Variants in LHFPL6 observed in about 807,000 individuals in gnomAD.
LHFPL6 encodes LHFPL tetraspan subfamily member 6, also known as LHFPL tetraspan subfamily member 6 protein.
In LHFPL6, 9 loss-of-function variants were observed where a neutral mutation model predicts 20.6. That is an observed-to-expected ratio of 0.44 (90% CI 0.26 to 0.76). The LOEUF is 0.76. Ranked by LOEUF, LHFPL6 falls within the 30% of genes least tolerant of loss-of-function variation. The probability of loss-of-function intolerance (pLI) is 0.20; values close to 1 mark genes in which losing one functional copy is unlikely to be tolerated. For synonymous variants in LHFPL6, 105 were observed against 98.7 expected (o/e 1.06, Z -0.38); for missense variants, 218 against 253.5 (o/e 0.86, Z 0.95).
intron 2 of LHFPL6, among the ~76,000 whole-genome samples, chr13:39,495,345 C>T (rs558046146): frequency 1.6e-4 from 24 of 152,272 alleles, no homozygotes; most frequent in Admixed American, 1.2e-3. Flanking sequence ...CGGTTGATTT[C>T]ATTTAATAGG....
intron 2 of LHFPL6, among the ~76,000 whole-genome samples, chr13:39,550,453 T>A (rs1421574804): frequency 3.9e-5 from 6 of 152,162 alleles, no homozygotes; most frequent in South Asian, 2.1e-4. Context: ...ACATTTTCCA[T>A]CAGAAAAACT....
chr13:39,458,931 T>A (rs4281594), intron 2 of LHFPL6, among the ~76,000 whole-genome samples: 1 of 152,166 alleles, frequency 6.6e-6, no homozygotes, highest in Non-Finnish European at 1.5e-5. Flanking sequence ...CAACACACTT[T>A]TTTTCCTTCT....
chr13:39,506,590 T>C (rs1869492010), intron 2 of LHFPL6, among the ~76,000 whole-genome samples: 1 of 152,060 alleles, frequency 6.6e-6, no homozygotes. Context: ...CCTAAATTAA[T>C]AAGGGCCACC....
intron 2 of LHFPL6, among the ~76,000 whole-genome samples, chr13:39,434,348 C>A (rs935242239): frequency 2.6e-5 from 4 of 152,150 alleles, no homozygotes; most frequent in African/African-American, 9.7e-5. Flanking sequence ...AGCTAATAAG[C>A]ATGCAAAGAA....
intron 2 of LHFPL6, 54 bp from the exon 3 acceptor site, chr13:39,378,580 T>C (rs1870356800): frequency 7.4e-7 from 1 of 1,348,890 alleles, no homozygotes; most frequent in Middle Eastern, 1.8e-4. Context: ...CATCACTAGA[T>C]AAAGGTGGTG....
At chr13:39,598,435 G>A (rs1872833092) in intron 2 of LHFPL6, among the ~76,000 whole-genome samples, 1 of 152,060 alleles carries the variant, frequency 6.6e-6, no homozygotes, top group South Asian at 2.1e-4. Flanking sequence ...CCCTCGAGAG[G>A]TGAGATTCTG....
At chr13:39,488,655 T>C (rs1868806812) in intron 2 of LHFPL6, among the ~76,000 whole-genome samples, 1 of 152,204 alleles carries the variant, frequency 6.6e-6, no homozygotes, top group Non-Finnish European at 1.5e-5. Context: ...ATGTAATGCA[T>C]AATTATTAAT....
At position 39,416,853 on chromosome 13, in the gene LHFPL6, A is replaced by G. The variant is rs1871361793; in HGVS notation, c.386-38327T>C. On this transcript the variant is annotated intron_variant, in intron 2 of 3. Transcript: ENST00000379589. ...AAACCTGAGTTCTGCTAGTCCCAGC[A>G]CCTATTTTTATCTTCTTGTCTACCA... Among the ~76,000 whole-genome samples, 4 of 150,782 alleles carry G rather than the reference A, an allele frequency of 2.7e-5. No individual in the cohort carries two copies. The Middle Eastern group carries it at 0.011, about 398-fold the overall frequency.
chr13:39,491,532 C>T (rs540867792), intron 2 of LHFPL6, among the ~76,000 whole-genome samples: 18 of 152,236 alleles, frequency 1.2e-4, no homozygotes, highest in East Asian at 7.7e-4. Context: ...CATAAATTCA[C>T]GATGGTTCTT....
chr13:39,591,711 C>T (rs1485804592), intron 2 of LHFPL6, among the ~76,000 whole-genome samples: 1 of 152,176 alleles, frequency 6.6e-6, no homozygotes, highest in Non-Finnish European at 1.5e-5. Flanking sequence ...CCACCCAGAC[C>T]TTCCCAGCAG....
chr13:39,424,161 T>A (rs558901137), intron 2 of LHFPL6, among the ~76,000 whole-genome samples: 20 of 152,334 alleles, frequency 1.3e-4, no homozygotes, highest in African/African-American at 4.8e-4. Context: ...AAGTAGCTCA[T>A]GCATTAAAAT....
chr13:39,396,600 G>T (rs188879290), intron 2 of LHFPL6, among the ~76,000 whole-genome samples: 1 of 151,900 alleles, frequency 6.6e-6, no homozygotes, highest in Non-Finnish European at 1.5e-5. Flanking sequence ...GTTCAAGACC[G>T]GCCCGGGCAA....
At chr13:39,484,529 C>G (rs147924625) in intron 2 of LHFPL6, among the ~76,000 whole-genome samples, 380 of 152,306 alleles carry the variant, frequency 2.5e-3, no homozygotes, top group African/African-American at 8.9e-3. Flanking sequence ...CCTTCCCTCT[C>G]TCTTTCCTTT....
At chr13:39,569,403 A>G (rs1432472309) in intron 2 of LHFPL6, among the ~76,000 whole-genome samples, 1 of 152,172 alleles carries the variant, frequency 6.6e-6, no homozygotes, top group African/African-American at 2.4e-5. Context: ...GGAACCCATC[A>G]ATCTATTGGT....
chr13:39,402,713 G>C (rs1163243344), intron 2 of LHFPL6, among the ~76,000 whole-genome samples: 1 of 152,182 alleles, frequency 6.6e-6, no homozygotes, highest in African/African-American at 2.4e-5. Context: ...CTGCTATGAA[G>C]GCAAACGAAT....
At position 39,531,873 on chromosome 13, in the gene LHFPL6, T is replaced by C. The variant is rs1417000499; in HGVS notation, c.385+68959A>G. Among the ~76,000 whole-genome samples, 4 of 152,128 alleles carry C rather than the reference T, an allele frequency of 2.6e-5. No homozygotes were observed. The East Asian group carries it at 7.7e-4, about 29-fold the overall frequency. On this transcript the variant is annotated intron_variant, in intron 2 of 3. Coordinates refer to ENST00000379589, the MANE Select transcript of LHFPL6 (RefSeq NM_005780.3). The stretch of plus-strand genomic sequence containing the variant: ...TCATGGGGGAAAAGGTCACGTGATA[T>C]ATGCCAACACCCTGAAAAGCATTTC...
intron 3 of LHFPL6, among the ~76,000 whole-genome samples, chr13:39,375,613 C>G (rs1870272105): frequency 6.6e-6 from 1 of 150,982 alleles, no homozygotes; most frequent in Non-Finnish European, 1.5e-5. Context: ...ATCGCTTAAC[C>G]TGGGAGGTGG....
intron 2 of LHFPL6, among the ~76,000 whole-genome samples, chr13:39,384,952 G>T (rs1230272711): frequency 6.6e-6 from 1 of 152,316 alleles, no homozygotes; most frequent in African/African-American, 2.4e-5. Context: ...AGGAAGGTGG[G>T]AACCAAGGTG....
chr13:39,584,797 A>T (rs1046628225), intron 2 of LHFPL6, among the ~76,000 whole-genome samples: 2 of 152,204 alleles, frequency 1.3e-5, no homozygotes, highest in Admixed American at 6.6e-5. Flanking sequence ...AACTGCAGAA[A>T]ATAATGACTC....
Sources: gnomAD v4.1 joint callset for allele counts (sites outside exome capture counted in the v4.1 genomes callset) on GRCh38, gnomAD v4.1.1 for gene constraint, MANE v1.5 for transcripts, NCBI Gene and HGNC (gene_info 2026-07-23, HGNC 2026-07-21) for gene names.